Variants in AUTS2 observed in about 807,000 individuals in gnomAD.
AUTS2 encodes the protein activator of transcription and developmental regulator AUTS2.
A neutral mutation model predicts 112.4 loss-of-function variants in AUTS2; 17 were observed. The ratio of observed to expected loss-of-function variants is 0.15; its 90% CI spans 0.10 to 0.23. The LOEUF (loss-of-function observed/expected upper bound fraction) is 0.23. Among genes scored for constraint, AUTS2 ranks in the 10% least tolerant of loss-of-function variants. The pLI is 1.00. For missense variants in AUTS2, 1,510 were observed against 1,701.6 expected (o/e 0.89, Z 1.98); for synonymous variants, 751 against 702.7 (o/e 1.07, Z -1.09).
chr7:70,366,562 G>A (rs981829549), intron 4 of AUTS2, among the ~76,000 whole-genome samples: 1 of 152,134 alleles, frequency 6.6e-6, no homozygotes, highest in Admixed American at 6.5e-5. Flanking sequence ...ATCCTCCAGA[G>A]GTTTTTAAGC....
intron 11 of AUTS2, 30 bp downstream of exon 11, chr7:70,771,674 G>C: frequency 6.3e-7 from 1 of 1,599,150 alleles, no homozygotes; most frequent in Non-Finnish European, 8.6e-7. Flanking sequence ...AAACACACAG[G>C]CATGTGTCTA....
At position 69,719,003 on chromosome 7, in the gene AUTS2, G is replaced by A. The variant is rs139454311; in HGVS notation, c.309+119041G>A. On this transcript the variant is annotated intron_variant, in intron 1 of 18. Transcript: ENST00000342771. Reference sequence around the variant, plus strand: ...AGAGATCCTCTTAGCCAGCCCGCCCGCAGGGGTTTTGCACACACATTGTTA... The same window carrying A: ...AGAGATCCTCTTAGCCAGCCCGCCCACAGGGGTTTTGCACACACATTGTTA... Among the ~76,000 whole-genome samples, 190 of 152,290 alleles carry A rather than the reference G, an allele frequency of 1.2e-3. 1 individual carries two copies. The highest frequency in any genetic ancestry group is 0.012 in the East Asian group (64 of 5,188).
chr7:69,642,224 G>A (rs1016002027), intron 1 of AUTS2, among the ~76,000 whole-genome samples: 3 of 152,186 alleles, frequency 2.0e-5, no homozygotes, highest in Middle Eastern at 3.4e-3. Context: ...AGACTGTCAT[G>A]GAGTAAAACC....
chr7:69,727,431 A>C lies in AUTS2; in HGVS notation c.309+127469A>C, dbSNP rs1019876860. ...ATGGTGAAACCCCGTCTCTACTAAAAATACAAAAAGTAGCCAGGTATGGTG... is the reference window on the plus strand; with the variant it reads ...ATGGTGAAACCCCGTCTCTACTAAACATACAAAAAGTAGCCAGGTATGGTG... On this transcript the variant is annotated intron_variant, in intron 1 of 18. Coordinates refer to ENST00000342771, the MANE Select transcript of AUTS2 (RefSeq NM_015570.4). 6.6e-5 allele frequency among the ~76,000 whole-genome samples: 10 copies of C among 152,012 alleles called. 1 individual carries two copies.
intron 4 of AUTS2, among the ~76,000 whole-genome samples, chr7:70,359,427 G>A (rs773328863): frequency 1.3e-5 from 2 of 152,172 alleles, no homozygotes; most frequent in Non-Finnish European, 2.9e-5. Flanking sequence ...AATAAAAGAG[G>A]TTATTTAGTA....
Position 70,146,966 on chromosome 7 carries a change from T to G in AUTS2, c.660+12395T>G, listed in dbSNP as rs527466094. The stretch of plus-strand genomic sequence containing the variant: ...TTTAAAATATGCATGTGTACATATA[T>G]GTAGGTAGGGACTATCAAAAGAGAT... On this transcript the variant is annotated intron_variant, in intron 4 of 18. Transcript: ENST00000342771. Among the ~76,000 whole-genome samples the G allele has an allele frequency of 2.0e-5, 3 of 152,278 alleles. No individual in the cohort carries two copies. In the South Asian group the frequency reaches 6.2e-4, roughly 32 times the overall value.
chr7:70,400,431 G>A lies in AUTS2; in HGVS notation c.661-35321G>A, dbSNP rs181884481. Among the ~76,000 whole-genome samples, 35 of 152,222 alleles carry A rather than the reference G, an allele frequency of 2.3e-4. No homozygotes were observed. The East Asian group carries it at 5.0e-3, about 22-fold the overall frequency. ...AAAAGTTCCCTAGCTCTAGCCTGTC[G>A]CAACATTTGATGCAAATGGAGAAGG... On this transcript the variant is annotated intron_variant, in intron 4 of 18. Coordinates refer to ENST00000342771, the MANE Select transcript of AUTS2 (RefSeq NM_015570.4).
intron 4 of AUTS2, among the ~76,000 whole-genome samples, chr7:70,410,667 C>T (rs1387734670): frequency 6.6e-6 from 1 of 151,646 alleles, no homozygotes; most frequent in Non-Finnish European, 1.5e-5. Context: ...GTGATCCGCC[C>T]TCCTCAGCCT....
At chr7:70,604,127 T>C (rs1445194288) in intron 5 of AUTS2, among the ~76,000 whole-genome samples, 1 of 152,240 alleles carries the variant, frequency 6.6e-6, no homozygotes, top group Non-Finnish European at 1.5e-5. Flanking sequence ...ATGGCTGAAC[T>C]TCTTAGGACA....
chr7:70,010,184 T>C (rs1460652608), intron 2 of AUTS2, among the ~76,000 whole-genome samples: 1 of 152,122 alleles, frequency 6.6e-6, no homozygotes, highest in Non-Finnish European at 1.5e-5. Context: ...CTCATTCTGT[T>C]GCCCAAACTG....
At chr7:70,443,161 G>A (rs1226465358) in intron 5 of AUTS2, among the ~76,000 whole-genome samples, 1 of 152,170 alleles carries the variant, frequency 6.6e-6, no homozygotes, top group Non-Finnish European at 1.5e-5. Flanking sequence ...ATATAGGTAA[G>A]TCAACAGAAT....
At chr7:70,710,037 G>A (rs1050449497) in intron 6 of AUTS2, among the ~76,000 whole-genome samples, 2 of 152,124 alleles carry the variant, frequency 1.3e-5, no homozygotes, top group Admixed American at 1.3e-4. Context: ...CAGAATAAGA[G>A]TAACAATACA....
intron 1 of AUTS2, among the ~76,000 whole-genome samples, chr7:69,898,811 A>G (rs765072729): frequency 4.0e-4 from 61 of 152,316 alleles, no homozygotes; most frequent in Non-Finnish European, 7.8e-4. Context: ...ATGAATAGAC[A>G]GTTCTTTCTT....
At chr7:70,588,500 T>G (rs961162208) in intron 5 of AUTS2, among the ~76,000 whole-genome samples, 4 of 152,216 alleles carry the variant, frequency 2.6e-5, no homozygotes, top group Non-Finnish European at 5.9e-5. Flanking sequence ...AGAGCTGTGA[T>G]AGCTTCTTGG....
At chr7:70,524,898 G>A (rs2129495783) in intron 5 of AUTS2, among the ~76,000 whole-genome samples, 1 of 152,350 alleles carries the variant, frequency 6.6e-6, no homozygotes, top group Middle Eastern at 3.4e-3. Context: ...TAAATAGAGA[G>A]AGTGGTAAAA....
At chr7:70,264,217 G>A (rs191313007) in intron 4 of AUTS2, among the ~76,000 whole-genome samples, 1 of 152,212 alleles carries the variant, frequency 6.6e-6, no homozygotes, top group Admixed American at 6.5e-5. Flanking sequence ...TTGTTTGTTT[G>A]TTTGTTTTTG....
intron 4 of AUTS2, among the ~76,000 whole-genome samples, chr7:70,189,083 G>A (rs903341093): frequency 1.4e-4 from 21 of 152,152 alleles, no homozygotes; most frequent in African/African-American, 5.1e-4. Flanking sequence ...CAATTTATGT[G>A]TTCCAAAAAT....
chr7:69,861,335 G>A (rs1331802363), intron 1 of AUTS2, among the ~76,000 whole-genome samples: 2 of 152,152 alleles, frequency 1.3e-5, no homozygotes, highest in African/African-American at 4.8e-5. Flanking sequence ...TGGGAAAATA[G>A]GGAGGATGCC....
rs1421811291 is a variant in AUTS2 at position 70,122,897 on chromosome 7, C to T, written c.624+4664C>T. 1.3e-4 allele frequency among the ~76,000 whole-genome samples: 17 copies of T among 132,848 alleles called. 1 individual carries two copies. Among genetic ancestry groups the T allele is most frequent in the South Asian group, 4.9e-4 (2 of 4,090 alleles). The allele number at this position is 132,848 out of a possible 152,430, so 87.2% of individuals were successfully genotyped here. On this transcript the variant is annotated intron_variant, in intron 3 of 18. Transcript: ENST00000342771. ...TTTTTTTTTTTTTTTTTCCGTGACACGGAGTTTCGCTCTTGTTGCTCAGCC... is the reference window on the plus strand; with the variant it reads ...TTTTTTTTTTTTTTTTTCCGTGACATGGAGTTTCGCTCTTGTTGCTCAGCC...
Sources: gnomAD v4.1 joint callset for allele counts (sites outside exome capture counted in the v4.1 genomes callset) on GRCh38, gnomAD v4.1.1 for gene constraint, MANE v1.5 for transcripts, NCBI Gene and HGNC (gene_info 2026-07-23, HGNC 2026-07-21) for gene names.